Variants in P2RY6 observed in about 807,000 individuals in gnomAD.
The protein encoded by P2RY6 is P2Y purinoceptor 6.
Under a neutral mutation model 16.3 loss-of-function variants are expected in P2RY6, and 19 were observed. The observed-to-expected ratio is 1.16, with a 90% CI of 0.81 to 1.71. The LOEUF is 1.71. Among genes scored for constraint, P2RY6 ranks in the 40% most tolerant of loss-of-function variants. The probability of loss-of-function intolerance (pLI) is 0.00; values close to 1 mark genes in which losing one functional copy is unlikely to be tolerated. For synonymous variants in P2RY6, 184 were observed against 201.5 expected, an observed-to-expected ratio of 0.91 and a Z score of 0.74; for missense variants, 389 against 455.5, an observed-to-expected ratio of 0.85 and a Z score of 1.33.
intron 1 of P2RY6, among the ~76,000 whole-genome samples, chr11:73,283,438 A>T (rs1863842998): frequency 6.6e-6 from 1 of 152,156 alleles, no homozygotes; most frequent in Admixed American, 6.5e-5. Flanking sequence ...TTCCAGGCAG[A>T]GTCCAGGCCC....
chr11:73,287,170 C>G (rs1424912637), intron 1 of P2RY6, among the ~76,000 whole-genome samples: 1 of 152,262 alleles, frequency 6.6e-6, no homozygotes, highest in African/African-American at 2.4e-5. Flanking sequence ...ATAGTCTCCT[C>G]CCTGGTGGCA....
At chr11:73,269,680 G>A (rs1369087636), upstream of P2RY6, among the ~76,000 whole-genome samples, 2 of 152,310 alleles carry the variant, frequency 1.3e-5, no homozygotes, top group South Asian at 2.1e-4. Flanking sequence ...GAATGCATGC[G>A]CATCTTCCAG....
In P2RY6 at chr11:73,295,757, T is replaced by C. The variant is rs1864446852; in HGVS notation, c.-93T>C. 8 of 985,320 alleles carry C rather than the reference T, an allele frequency of 8.1e-6. No homozygotes were observed. The highest frequency in any genetic ancestry group is 6.0e-6 in the Non-Finnish European group (5 of 829,842). The allele number at this position is 985,320 out of a possible 1,614,324, so 61.0% of individuals were successfully genotyped here. A position where few individuals can be genotyped will look rare whatever the true frequency, so the allele number is the denominator to read the frequency against. ...AACAAGACCTCTGCCAGAAGAACCA[T>C]GGCTTTGGAAGGCGGAGTTCAGGCT... On this transcript the variant is annotated 5_prime_UTR_variant, in exon 2 of 3. It removes an upstream start codon present in the reference 5' UTR. Transcript: ENST00000540124.
rs998418794 is a variant in P2RY6, at chr11:73,297,143, C to A, written c.625C>A (p.Leu209Met). The change falls in exon 3 of 3, where the codon CTG (leucine) becomes ATG (methionine). Residue 209 changes from leucine to methionine, a missense_variant. Physicochemically the swap from Leu to Met is conservative, Grantham distance 15. Coordinates refer to ENST00000540124, the MANE Select transcript of P2RY6 (RefSeq NM_001277204.2). The part of the protein sequence containing the change: ...IGFLLPFAAL[L>M]ACYCLLACRL... ...CTTCCTGCTGCCCTTTGCTGCCCTG[C>A]TGGCCTGCTACTGTCTCCTGGCCTG... The A allele has an allele frequency of 3.7e-5, 60 of 1,604,870 alleles. No individual in the cohort carries two copies. In the Admixed American group the frequency reaches 4.8e-4, roughly 13 times the overall value.
In P2RY6 at chr11:73,272,363, G is replaced by A. The variant is rs768418161; in HGVS notation, c.-224G>A. On this transcript the variant is annotated 5_prime_UTR_variant, in exon 1 of 3. Transcript: ENST00000540124. ...AGACTTCTGCCAGAACATTGCACGC[G>A]ACAGTTTCAGGCACAGAACTGACTG... is the stretch of plus-strand genomic sequence containing the variant. 1.2e-4 allele frequency: 121 copies of A among 985,396 alleles called. No individual in the cohort carries two copies. Among genetic ancestry groups the A allele is most frequent in the Non-Finnish European group, 1.3e-4 (111 of 829,988 alleles). The allele number at this position is 985,396 out of a possible 1,614,324, so 61.0% of individuals were successfully genotyped here.
chr11:73,264,823 C>G (rs532231577), intron 1 of P2RY6, among the ~76,000 whole-genome samples: 1 of 151,970 alleles, frequency 6.6e-6, no homozygotes, highest in East Asian at 1.9e-4. Context: ...GATCTGCACT[C>G]CAGCCTGGGC....
At chr11:73,293,008 C>G (rs1806516) in intron 1 of P2RY6, 6 of 402,988 alleles carry the variant, frequency 1.5e-5, no homozygotes, top group East Asian at 1.6e-4. Flanking sequence ...ACTGTGACTT[C>G]GGGTAGGTAG....
intron 1 of P2RY6, among the ~76,000 whole-genome samples, chr11:73,280,614 G>A (rs551121769): frequency 9.0e-4 from 137 of 152,298 alleles, no homozygotes; most frequent in Admixed American, 1.2e-3. Flanking sequence ...TCTTCAGGTA[G>A]ATGTCCCTTG....
intron 1 of P2RY6, among the ~76,000 whole-genome samples, chr11:73,281,049 T>A (rs1447942696): frequency 6.6e-6 from 1 of 151,898 alleles, no homozygotes; most frequent in Non-Finnish European, 1.5e-5. Context: ...GAGTTTGAAA[T>A]GTGAAAATGG....
At chr11:73,289,122 A>G (rs1442725324) in intron 1 of P2RY6, among the ~76,000 whole-genome samples, 1 of 152,158 alleles carries the variant, frequency 6.6e-6, no homozygotes, top group African/African-American at 2.4e-5. Flanking sequence ...GGGTCATGTA[A>G]AGTTTATCCT....
intron 1 of P2RY6, among the ~76,000 whole-genome samples, chr11:73,276,815 C>T (rs1863557472): frequency 6.6e-6 from 1 of 152,128 alleles, no homozygotes; most frequent in South Asian, 2.1e-4. Flanking sequence ...TGTGAATATG[C>T]TAAAAACCTC....
rs753546896 is a variant in P2RY6 at position 73,290,329 on chromosome 11, AAG to A, written c.-120-5399_-120-5398del. On this transcript the variant is annotated intron_variant, in intron 1 of 2. Transcript: ENST00000540124. ...AAAGAAAGAAAGAAAGAAAGAAAGA[AAG>A]AAAGAAAGAAAGAAAGAAAGAAAGA... 2.4e-3 allele frequency among the ~76,000 whole-genome samples: 361 copies of A among 150,522 alleles called. 5 individuals are homozygous for A. The East Asian group carries it at 0.041, about 17-fold the overall frequency.
chr11:73,291,656 A>G (rs1214339132), intron 1 of P2RY6, among the ~76,000 whole-genome samples: 1 of 152,188 alleles, frequency 6.6e-6, no homozygotes, highest in Non-Finnish European at 1.5e-5. Flanking sequence ...GCCTGTAAAA[A>G]TGGCTTTGGG....
chr11:73,296,315 G>C (rs1864479146), intron 2 of P2RY6, among the ~76,000 whole-genome samples, 170 bp from the exon 3 acceptor site: 1 of 151,006 alleles, frequency 6.6e-6, no homozygotes, highest in African/African-American at 2.4e-5. Flanking sequence ...TGTATCCCAA[G>C]TTTTCTCAAA....
At chr11:73,276,510 A>G (rs936744057) in intron 1 of P2RY6, among the ~76,000 whole-genome samples, 1 of 152,264 alleles carries the variant, frequency 6.6e-6, no homozygotes, top group Non-Finnish European at 1.5e-5. Context: ...TGGCTTATCC[A>G]TATAATGGAA....
chr11:73,266,507 G>A, intron 1 of P2RY6, among the ~76,000 whole-genome samples: 1 of 151,448 alleles, frequency 6.6e-6, no homozygotes, highest in East Asian at 2.0e-4. Context: ...CCTGAGAGCT[G>A]AAAGGGAGGC....
chr11:73,269,519 C>T (rs550274196), upstream of P2RY6, among the ~76,000 whole-genome samples: 18 of 152,060 alleles, frequency 1.2e-4, no homozygotes, highest in African/African-American at 3.9e-4. Context: ...TAGGGGTTTG[C>T]GGGGCTCCCC....
chr11:73,297,120 TC>T lies in P2RY6; in HGVS notation c.604del (p.Leu202CysfsTer157), dbSNP rs764692643. On this transcript the variant is annotated frameshift_variant, in exon 3 of 3. Transcript: ENST00000540124. LOFTEE classifies it high-confidence loss of function. The stretch of plus-strand genomic sequence containing the variant: ...GGCATGGCTCTCACTGTCATCGGCT[TC>T]CTGCTGCCCTTTGCTGCCCTGCTGG... ...PYGMALTVIG[F>X]LLPFAALLAC... The T allele has an allele frequency of 6.2e-7, 1 of 1,604,692 alleles. No homozygotes were observed. Among genetic ancestry groups the T allele is most frequent in the Non-Finnish European group, 8.5e-7 (1 of 1,179,942 alleles).
chr11:73,287,333 A>G (rs1202618047), intron 1 of P2RY6, among the ~76,000 whole-genome samples: 1 of 152,236 alleles, frequency 6.6e-6, no homozygotes, highest in Non-Finnish European at 1.5e-5. Flanking sequence ...TGAGGCATGC[A>G]GTGAAGGTCA....
Sources: allele counts gnomAD v4.1 joint callset (sites outside exome capture counted in the v4.1 genomes callset), GRCh38; gene constraint gnomAD v4.1.1; transcripts MANE v1.5; gene names NCBI Gene and HGNC (gene_info 2026-07-23, HGNC 2026-07-21).